The following CCDC186 variants were observed in gnomAD, a reference collection of about 807,000 sequenced individuals.
CCDC186 encodes the protein coiled-coil domain-containing protein 186.
In CCDC186, 49 loss-of-function variants were observed where a neutral mutation model predicts 113.7. The observed-to-expected ratio is 0.43, with a 90% CI of 0.34 to 0.55. CCDC186 has a LOEUF of 0.55. CCDC186 is among the 20% of genes least tolerant of loss of function. The pLI is 0.02. For missense variants in CCDC186, 890 were observed against 1,011.1 expected (o/e 0.88, Z 1.62); for synonymous variants, 355 against 345.8 (o/e 1.03, Z -0.30).
In CCDC186 at chr10:114,163,188, G is replaced by A. The variant is rs150166809; in HGVS notation, c.81C>T (p.Cys27=). Residue 27 remains cysteine, a synonymous_variant, in exon 2 of 16, where the codon TGC becomes TGT. Transcript: ENST00000369287. ...TGCTTTCATTGCCAGAAAACAAGTTGCATGAGTCTTCCTTTAATTCAGGTG... is the reference window on the plus strand; with the variant it reads ...TGCTTTCATTGCCAGAAAACAAGTTACATGAGTCTTCCTTTAATTCAGGTG... ...GKTPELKEDS[C]NLFSGNESSK... 3.8e-5 allele frequency: 62 copies of A among 1,613,882 alleles called. No individual in the cohort carries two copies. In the African/African-American group the frequency reaches 7.7e-4, roughly 20 times the overall value.
At position 114,127,550 on chromosome 10, in the gene CCDC186, C is replaced by T. The variant is rs146862355; in HGVS notation, c.2304G>A (p.Leu768=). The stretch of plus-strand genomic sequence containing the variant: ...CATTTTTCCGGGCATGTGCTTTTTG[C>T]AGCCTAACTATTCTCTCAATCAACA... The part of the protein sequence containing the change: ...KAMLIERIVR[L]QKAHARKNEK... The change falls in exon 14 of 16, where the codon CTG becomes CTA. Residue 768 remains leucine (L), a synonymous_variant. Transcript: ENST00000369287. 148 of 1,613,842 alleles carry T rather than the reference C, an allele frequency of 9.2e-5. No individual in the cohort carries two copies. Among genetic ancestry groups the T allele is most frequent in the Non-Finnish European group, 1.2e-4 (144 of 1,179,994 alleles).
In CCDC186 at chr10:114,163,754, C is replaced by A. The variant is rs374927399; in HGVS notation, c.-61-425G>T. Among the ~76,000 whole-genome samples the A allele has an allele frequency of 3.0e-4, 45 of 152,140 alleles. No individual in the cohort carries two copies. In the South Asian group the frequency reaches 5.4e-3, roughly 18 times the overall value. ...TGGAGAAATAATACACCAATAAAAG[C>A]ACTAGAAATCACAAACCAAGATAAC... On this transcript the variant is annotated intron_variant, in intron 1 of 15. Coordinates refer to ENST00000369287, the MANE Select transcript of CCDC186 (RefSeq NM_018017.4).
chr10:114,151,653 C>G (rs1169380482), intron 3 of CCDC186, among the ~76,000 whole-genome samples: 1 of 152,224 alleles, frequency 6.6e-6, no homozygotes. Flanking sequence ...TGTGAGTCAT[C>G]CCTTTGTCCA....
chr10:114,131,295 T>C lies in CCDC186; in HGVS notation c.1953A>G (p.Glu651=). 1.3e-6 allele frequency: 2 copies of C among 1,596,290 alleles called. No individual in the cohort carries two copies. Among genetic ancestry groups the C allele is most frequent in the Non-Finnish European group, 1.7e-6 (2 of 1,173,168 alleles). ...LLKEEELRKE[E]VQTLQAELAC... is the part of the protein sequence containing the mutation. ...CGAGTTCAGCTTGCAGAGTTTGGAC[T>C]TCCTCTTTTCGCAGTTCTTCCTCTT... The change falls in exon 12 of 16, where the codon GAA becomes GAG. Residue 651 remains glutamate, a synonymous_variant. Coordinates refer to ENST00000369287, the MANE Select transcript of CCDC186 (RefSeq NM_018017.4).
At position 114,135,065 on chromosome 10, in the gene CCDC186, G is replaced by A; in HGVS notation, c.1513-10C>T. ...CTTCTAGACATTTCACCTATCAAAT[G>A]ATCACAACCAAGTTACAAACCATGT... On this transcript the variant is annotated splice_polypyrimidine_tract_variant and intron_variant, in intron 9 of 15. Transcript: ENST00000369287. 6.3e-7 allele frequency: 1 copy of A among 1,598,234 alleles called. No individual in the cohort carries two copies. Among genetic ancestry groups the A allele is most frequent in the Non-Finnish European group, 8.5e-7 (1 of 1,175,498 alleles).
In CCDC186 at chr10:114,174,178, T is replaced by C. The variant is rs1432720796; in HGVS notation, c.-225A>G. 2.2e-6 allele frequency: 1 copy of C among 457,576 alleles called. No individual in the cohort carries two copies. Among genetic ancestry groups the C allele is most frequent in the South Asian group, 1.6e-5 (1 of 62,444 alleles). The allele number at this position is 457,576 out of a possible 1,614,324, so 28.3% of individuals were successfully genotyped here. A position where few individuals can be genotyped will look rare whatever the true frequency, so the allele number is the denominator to read the frequency against. On this transcript the variant is annotated 5_prime_UTR_variant, in exon 1 of 16. Coordinates refer to ENST00000369287, the MANE Select transcript of CCDC186 (RefSeq NM_018017.4). ...CTCAGCGGCCGTTTCCCCAAACCCC[T>C]GCGGAGCTGACACATCAACAAAGAT...
At chr10:114,144,006 A>G (rs1328015030) in intron 6 of CCDC186, among the ~76,000 whole-genome samples, 1 of 152,074 alleles carries the variant, frequency 6.6e-6, no homozygotes, top group Non-Finnish European at 1.5e-5. Context: ...CATATTTATA[A>G]AAAAGTTAAG....
intron 6 of CCDC186, among the ~76,000 whole-genome samples, chr10:114,137,796 G>C (rs539428653): frequency 3.3e-5 from 5 of 151,962 alleles, no homozygotes; most frequent in African/African-American, 7.2e-5. Flanking sequence ...CAGCACTTTG[G>C]GGGGCTGAGG....
chr10:114,145,458 T>G, intron 5 of CCDC186, 91 bp downstream of exon 5: 1 of 1,154,088 alleles, frequency 8.7e-7, no homozygotes, highest in Non-Finnish European at 1.2e-6. Context: ...GTGTTAACCA[T>G]GTTAAATTAT....
At chr10:114,160,297 C>A (rs1000455414) in intron 2 of CCDC186, among the ~76,000 whole-genome samples, 1 of 151,152 alleles carries the variant, frequency 6.6e-6, no homozygotes, top group South Asian at 2.1e-4. Context: ...TTGGTTGGAA[C>A]CTTAGACAGT....
intron 4 of CCDC186, among the ~76,000 whole-genome samples, chr10:114,146,986 A>C (rs1468200585): frequency 3.9e-5 from 6 of 152,246 alleles, no homozygotes; most frequent in Admixed American, 6.5e-5. Flanking sequence ...TTCCATTGAA[A>C]TAGTCATACT....
At position 114,163,038 on chromosome 10, in the gene CCDC186, C is replaced by T; in HGVS notation, c.231G>A (p.Glu77=). ...ENYIPDHGGG[E]DSCAKTDTGS... is the part of the protein sequence containing the mutation. ...CTGTGTCTGTTTTGGCACAAGAATC[C>T]TCACCTCCACCATGATCTGGAATAT... Residue 77 remains glutamate, a synonymous_variant, in exon 2 of 16, where the codon GAG becomes GAA. Coordinates refer to ENST00000369287, the MANE Select transcript of CCDC186 (RefSeq NM_018017.4). 1.9e-6 allele frequency: 3 copies of T among 1,614,064 alleles called. No homozygotes were observed. The highest frequency in any genetic ancestry group is 2.5e-6 in the Non-Finnish European group (3 of 1,179,976).
chr10:114,131,736 T>C (rs1294195540), intron 11 of CCDC186, among the ~76,000 whole-genome samples, 193 bp downstream of exon 11: 1 of 152,160 alleles, frequency 6.6e-6, no homozygotes, highest in Admixed American at 6.5e-5. Context: ...TTATTCATAA[T>C]CATTTTAGGA....
At position 114,157,609 on chromosome 10, in the gene CCDC186, T is replaced by C; in HGVS notation, c.704A>G (p.Glu235Gly). 6.2e-7 allele frequency: 1 copy of C among 1,611,102 alleles called. No homozygotes were observed. Among genetic ancestry groups the C allele is most frequent in the Non-Finnish European group, 8.5e-7 (1 of 1,178,892 alleles). The change falls in exon 3 of 16, where the codon GAA becomes GGA. Residue 235 changes from glutamate (E) to glycine (G), a missense_variant. Transcript: ENST00000369287. ...DICSEKDNLR[E>G]ELKKRTETEK... ...AGTTTCTGTTCTTTTCTTTAGTTCT[T>C]CTCTTAAATTGTCTTTTTCTGAACA...
chr10:114,172,753 A>G (rs2032537257), intron 1 of CCDC186, among the ~76,000 whole-genome samples: 1 of 152,170 alleles, frequency 6.6e-6, no homozygotes, highest in African/African-American at 2.4e-5. Flanking sequence ...ACCAGAAATA[A>G]AAGAGAAAAA....
chr10:114,142,572 G>C (rs1164583438), intron 6 of CCDC186, among the ~76,000 whole-genome samples: 1 of 152,168 alleles, frequency 6.6e-6, no homozygotes, highest in African/African-American at 2.4e-5. Flanking sequence ...TTACAGGCTA[G>C]GTGTTTAAAA....
At chr10:114,137,009 T>C (rs1589612418) in intron 7 of CCDC186, among the ~76,000 whole-genome samples, 177 bp downstream of exon 7, 1 of 151,750 alleles carries the variant, frequency 6.6e-6, no homozygotes. Context: ...CCCAGCTACT[T>C]GGGAGGCTGG....
At chr10:114,133,823 C>T (rs1188621877) in intron 10 of CCDC186, among the ~76,000 whole-genome samples, 2 of 151,908 alleles carry the variant, frequency 1.3e-5, no homozygotes, top group South Asian at 2.1e-4. Flanking sequence ...AGTGAGGAAA[C>T]GGAGAATGAA....
At chr10:114,157,767 G>A in intron 2 of CCDC186, 87 bp from the exon 3 acceptor site, 13 of 979,734 alleles carry the variant, frequency 1.3e-5, no homozygotes, top group South Asian at 3.2e-5. Flanking sequence ...TACAGATCAG[G>A]GTACAGATAT....
Sources: allele counts gnomAD v4.1 joint callset (sites outside exome capture counted in the v4.1 genomes callset), GRCh38; gene constraint gnomAD v4.1.1; transcripts MANE v1.5; gene names NCBI Gene and HGNC (gene_info 2026-07-23, HGNC 2026-07-21).